NTM: variants seen among roughly 807,000 people sequenced by gnomAD.
The protein encoded by NTM is neurotrimin, also known as IgLON family member 2.
A neutral mutation model predicts 42.1 loss-of-function variants in NTM; 13 were observed. That is an observed-to-expected ratio of 0.31 (90% CI 0.20 to 0.49). The LOEUF is 0.49. Ranked by LOEUF, NTM falls within the 20% of genes least tolerant of loss-of-function variation. The pLI is 0.99. For missense variants in NTM, 373 were observed against 452.8 expected (o/e 0.82, Z 1.60); for synonymous variants, 187 against 179.2 (o/e 1.04, Z -0.35).
chr11:132,012,559 G>A (rs1157347258), intron 2 of NTM, among the ~76,000 whole-genome samples: 1 of 152,142 alleles, frequency 6.6e-6, no homozygotes, highest in Non-Finnish European at 1.5e-5. Context: ...TTTCTCTTTA[G>A]TGGTACTAAT....
At chr11:131,488,782 T>G (rs1383792554) in intron 1 of NTM, among the ~76,000 whole-genome samples, 1 of 152,230 alleles carries the variant, frequency 6.6e-6, no homozygotes, top group Non-Finnish European at 1.5e-5. Flanking sequence ...TGGGCTGAGA[T>G]GTGACTGTGG....
At chr11:132,157,590 G>T (rs1023673945) in intron 3 of NTM, among the ~76,000 whole-genome samples, 1 of 152,194 alleles carries the variant, frequency 6.6e-6, no homozygotes, top group African/African-American at 2.4e-5. Flanking sequence ...GTGAGATTTG[G>T]TTTGTGAATG....
At chr11:131,650,971 A>G (rs1267760700) in intron 1 of NTM, among the ~76,000 whole-genome samples, 1 of 152,164 alleles carries the variant, frequency 6.6e-6, no homozygotes, top group African/African-American at 2.4e-5. Flanking sequence ...ATTGACCAAG[A>G]TTTCTAGTTT....
intron 1 of NTM, among the ~76,000 whole-genome samples, chr11:131,619,581 G>A (rs1325899954): frequency 6.6e-6 from 1 of 152,066 alleles, no homozygotes; most frequent in African/African-American, 2.4e-5. Flanking sequence ...AAAATGGTGG[G>A]GCATTGGCAA....
At chr11:131,558,834 G>A (rs940991231) in intron 1 of NTM, among the ~76,000 whole-genome samples, 5 of 152,252 alleles carry the variant, frequency 3.3e-5, no homozygotes, top group South Asian at 4.1e-4. Context: ...GACTGAACAG[G>A]ACTTGAGCCT....
chr11:131,864,400 C>G (rs567086274), intron 1 of NTM, among the ~76,000 whole-genome samples: 1 of 152,134 alleles, frequency 6.6e-6, no homozygotes, highest in Non-Finnish European at 1.5e-5. Context: ...GAACTCCTCC[C>G]GCTGGACTGA....
chr11:131,745,018 A>G (rs1230484583), intron 1 of NTM, among the ~76,000 whole-genome samples: 2 of 152,234 alleles, frequency 1.3e-5, no homozygotes, highest in Admixed American at 6.5e-5. Flanking sequence ...TGGTGATTCA[A>G]CTGGAGCCGC....
At chr11:131,582,683 T>G (rs1333845780) in intron 1 of NTM, among the ~76,000 whole-genome samples, 1 of 152,168 alleles carries the variant, frequency 6.6e-6, no homozygotes, top group Non-Finnish European at 1.5e-5. Flanking sequence ...TTGTGGTGCA[T>G]AGTTAACACG....
intron 1 of NTM, among the ~76,000 whole-genome samples, chr11:131,731,914 G>T (rs977046746): frequency 6.6e-6 from 1 of 152,132 alleles, no homozygotes; most frequent in Non-Finnish European, 1.5e-5. Context: ...TCTCCCCCAA[G>T]CCTCTATCTG....
intron 1 of NTM, among the ~76,000 whole-genome samples, chr11:131,655,823 A>G (rs2067114798): frequency 6.6e-6 from 1 of 152,270 alleles, no homozygotes; most frequent in South Asian, 2.1e-4. Context: ...AGTGCTGCTC[A>G]GAGAAATTCT....
At chr11:131,837,224 A>G (rs1160271304) in intron 1 of NTM, among the ~76,000 whole-genome samples, 1 of 152,234 alleles carries the variant, frequency 6.6e-6, no homozygotes, top group African/African-American at 2.4e-5. Flanking sequence ...CCACACAGGC[A>G]TCTACCGAAT....
intron 2 of NTM, among the ~76,000 whole-genome samples, chr11:132,129,502 G>C (rs1347183935): frequency 6.6e-6 from 1 of 152,200 alleles, no homozygotes; most frequent in Non-Finnish European, 1.5e-5. Flanking sequence ...TCCCATTCTG[G>C]CTTTGAAGAC....
intron 2 of NTM, among the ~76,000 whole-genome samples, chr11:132,019,871 G>A (rs1156443827): frequency 1.3e-5 from 2 of 151,214 alleles, no homozygotes; most frequent in Middle Eastern, 3.4e-3. Context: ...TTTTCAGGGG[G>A]TACATGTGCA....
At chr11:131,680,172 C>T (rs1246983688) in intron 1 of NTM, among the ~76,000 whole-genome samples, 4 of 152,068 alleles carry the variant, frequency 2.6e-5, no homozygotes, top group South Asian at 2.1e-4. Context: ...CTGTGTTGGC[C>T]GTCACAGCAC....
intron 1 of NTM, among the ~76,000 whole-genome samples, chr11:131,420,808 AT>A (rs1301056692): frequency 1.3e-5 from 2 of 152,136 alleles, no homozygotes; most frequent in Admixed American, 1.3e-4. Flanking sequence ...ATAAAAGTCC[AT>A]TTTAGTCAGT....
chr11:131,593,215 C>T (rs2059535163), intron 1 of NTM, among the ~76,000 whole-genome samples: 1 of 152,196 alleles, frequency 6.6e-6, no homozygotes, highest in African/African-American at 2.4e-5. Context: ...CCTCTCCTTC[C>T]CCAGTGCCAT....
At chr11:132,269,264 G>A (rs1202993010) in intron 4 of NTM, among the ~76,000 whole-genome samples, 1 of 152,170 alleles carries the variant, frequency 6.6e-6, no homozygotes, top group Non-Finnish European at 1.5e-5. Context: ...TGGAGAGAAG[G>A]ACAGAGAGGG....
chr11:132,112,292 T>G (rs945559273), intron 2 of NTM, among the ~76,000 whole-genome samples: 12 of 152,198 alleles, frequency 7.9e-5, no homozygotes, highest in Admixed American at 2.6e-4. Flanking sequence ...GAAACTAGTG[T>G]CTTTTATTCA....
intron 1 of NTM, among the ~76,000 whole-genome samples, chr11:131,574,639 C>T (rs2057763136): frequency 6.6e-6 from 1 of 151,618 alleles, no homozygotes; most frequent in African/African-American, 2.4e-5. Context: ...GGATCCTGTC[C>T]AGTGATCTAC....
Sources: gnomAD v4.1 joint callset for allele counts (sites outside exome capture counted in the v4.1 genomes callset) on GRCh38, gnomAD v4.1.1 for gene constraint, MANE v1.5 for transcripts, NCBI Gene and HGNC (gene_info 2026-07-23, HGNC 2026-07-21) for gene names.